Variants in TDRD3 observed in about 807,000 individuals in gnomAD.
TDRD3 encodes tudor domain-containing protein 3.
Under a neutral mutation model 86.7 loss-of-function variants are expected in TDRD3, and 45 were observed. The ratio of observed to expected loss-of-function variants is 0.52; its 90% confidence interval spans 0.41 to 0.67. The LOEUF (loss-of-function observed/expected upper bound fraction) is 0.67, where lower values mean the gene tolerates loss of function less well. TDRD3 is among the 30% of genes least tolerant of loss of function. TDRD3 has a pLI of 0.00. For synonymous variants in TDRD3, 298 were observed against 301.7 expected (o/e 0.99, Z 0.13); for missense variants, 814 against 889.0 (o/e 0.92, Z 1.07).
intron 5 of TDRD3, among the ~76,000 whole-genome samples, chr13:60,476,701 G>A (rs1360884470): frequency 6.6e-6 from 1 of 151,984 alleles, no homozygotes; most frequent in Non-Finnish European, 1.5e-5. Flanking sequence ...GGCATGGAAC[G>A]TTTCCATTTT....
At chr13:60,462,247 T>C (rs1042464227) in intron 4 of TDRD3, among the ~76,000 whole-genome samples, 33 of 152,314 alleles carry the variant, frequency 2.2e-4, no homozygotes, top group African/African-American at 7.7e-4. Flanking sequence ...AGACTTGCCA[T>C]GTAATGGCTC....
chr13:60,564,765 C>G (rs973683527), intron 12 of TDRD3, among the ~76,000 whole-genome samples: 2 of 151,660 alleles, frequency 1.3e-5, no homozygotes, highest in Non-Finnish European at 2.9e-5. Context: ...AGTACTGAGA[C>G]CTAAAGGAAG....
intron 1 of TDRD3, among the ~76,000 whole-genome samples, chr13:60,438,947 G>C (rs563655865): frequency 6.6e-6 from 1 of 152,080 alleles, no homozygotes; most frequent in Non-Finnish European, 1.5e-5. Context: ...TTTTAGAATT[G>C]TTGAGTTTAT....
chr13:60,489,938 G>A (rs959807197), intron 7 of TDRD3, among the ~76,000 whole-genome samples: 27 of 151,750 alleles, frequency 1.8e-4, no homozygotes, highest in African/African-American at 6.3e-4. Context: ...GTTGGATGCA[G>A]TTACAGCTGT....
At chr13:60,453,958 G>T (rs1324851065) in intron 3 of TDRD3, among the ~76,000 whole-genome samples, 1 of 151,102 alleles carries the variant, frequency 6.6e-6, no homozygotes, top group Non-Finnish European at 1.5e-5. Context: ...TTCTAGCACT[G>T]ATTTAACTAT....
rs117840478 is a variant in TDRD3, at chr13:60,490,315, C to T, written c.718-4120C>T. Among the ~76,000 whole-genome samples the T allele has an allele frequency of 3.3e-3, 500 of 152,006 alleles. 1 individual carries two copies. The highest frequency in any genetic ancestry group is 5.9e-3 in the Non-Finnish European group (404 of 67,974). ...GCTGAGCCAAGACTTGAAGGAGGTACGAGAATTAACTACTTGGTTATCTGA... is the reference window on the plus strand; with the variant it reads ...GCTGAGCCAAGACTTGAAGGAGGTATGAGAATTAACTACTTGGTTATCTGA... On this transcript the variant is annotated intron_variant, in intron 7 of 13. Transcript: ENST00000377881.
intron 3 of TDRD3, among the ~76,000 whole-genome samples, chr13:60,459,625 TTTG>T (rs1265329538): frequency 5.9e-5 from 9 of 152,276 alleles, no homozygotes; most frequent in African/African-American, 1.9e-4. Context: ...AAAACACTCT[TTTG>T]TTGTTGTGTT....
At chr13:60,533,195 G>T (rs890864890) in intron 11 of TDRD3, among the ~76,000 whole-genome samples, 2 of 152,144 alleles carry the variant, frequency 1.3e-5, no homozygotes, top group African/African-American at 4.8e-5. Flanking sequence ...ACCTGGAAAG[G>T]AAACACCGTG....
At chr13:60,459,511 T>C (rs957326226) in intron 3 of TDRD3, among the ~76,000 whole-genome samples, 4 of 152,246 alleles carry the variant, frequency 2.6e-5, no homozygotes, top group Admixed American at 2.6e-4. Flanking sequence ...TGTGAAAATA[T>C]GTCAATTACA....
At chr13:60,561,262 A>C (rs1310891571) in intron 12 of TDRD3, among the ~76,000 whole-genome samples, 3 of 152,194 alleles carry the variant, frequency 2.0e-5, no homozygotes, top group African/African-American at 7.2e-5. Context: ...ATAGGGTTTA[A>C]ATTTTCTCTG....
chr13:60,486,071 T>A, intron 7 of TDRD3, 123 bp downstream of exon 7: 1 of 988,126 alleles, frequency 1.0e-6, no homozygotes, highest in Non-Finnish European at 1.4e-6. Flanking sequence ...CTTATTCTTC[T>A]TGCATATTCC....
At chr13:60,552,591 G>T (rs1236826182) in intron 12 of TDRD3, among the ~76,000 whole-genome samples, 3 of 152,236 alleles carry the variant, frequency 2.0e-5, no homozygotes, top group Non-Finnish European at 4.4e-5. Context: ...TCACTAGGCA[G>T]TGCCCCAGTG....
intron 10 of TDRD3, among the ~76,000 whole-genome samples, chr13:60,516,836 G>GT (rs996384522): frequency 1.3e-5 from 2 of 152,126 alleles, no homozygotes; most frequent in African/African-American, 2.4e-5. Context: ...GGCTTTCACT[G>GT]TTTTTTGCAG....
chr13:60,498,442 A>G (rs1225756814), intron 8 of TDRD3, among the ~76,000 whole-genome samples: 2 of 152,186 alleles, frequency 1.3e-5, no homozygotes, highest in African/African-American at 2.4e-5. Context: ...GGCAATCAGA[A>G]TATTCTGACT....
intron 4 of TDRD3, among the ~76,000 whole-genome samples, chr13:60,461,845 G>T (rs1193246782): frequency 6.6e-6 from 1 of 152,184 alleles, no homozygotes; most frequent in Non-Finnish European, 1.5e-5. Context: ...ATTTTAAGGT[G>T]CAGGGAGGGA....
chr13:60,559,058 G>A (rs931369707), intron 12 of TDRD3, among the ~76,000 whole-genome samples: 1 of 149,188 alleles, frequency 6.7e-6, no homozygotes, highest in Non-Finnish European at 1.5e-5. Flanking sequence ...AGTCTATTTA[G>A]TTTAATTGAA....
chr13:60,439,454 CG>C (rs1289048135), intron 1 of TDRD3, among the ~76,000 whole-genome samples: 1 of 152,014 alleles, frequency 6.6e-6, no homozygotes, highest in African/African-American at 2.4e-5. Context: ...TCTCAGAAAG[CG>C]TATGAATAAT....
chr13:60,547,199 A>C, intron 12 of TDRD3: 1 of 978,404 alleles, frequency 1.0e-6, no homozygotes, highest in Non-Finnish European at 1.2e-6. Context: ...AACCAAAAAA[A>C]ATCTCATGAC....
chr13:60,398,182 A>G (rs988351411), intron 1 of TDRD3, among the ~76,000 whole-genome samples: 4 of 152,208 alleles, frequency 2.6e-5, no homozygotes, highest in African/African-American at 9.6e-5. Flanking sequence ...TAATTCAGTA[A>G]CGCTTTTCCC....
Sources: gnomAD v4.1 joint callset for allele counts (sites outside exome capture counted in the v4.1 genomes callset) on GRCh38, gnomAD v4.1.1 for gene constraint, MANE v1.5 for transcripts, NCBI Gene and HGNC (gene_info 2026-07-23, HGNC 2026-07-21) for gene names.